The following PARD3 variants were observed in gnomAD, a reference collection of about 807,000 sequenced individuals.
The protein encoded by PARD3 is partitioning defective 3 homolog.
PARD3 carries 75 observed loss-of-function variants against 155.4 expected under a neutral mutation model. That is an observed-to-expected ratio of 0.48 (90% CI 0.40 to 0.58). The LOEUF is 0.58. Ranked by LOEUF, PARD3 falls within the 20% of genes least tolerant of loss-of-function variation. The pLI is 0.00. For synonymous variants in PARD3, 576 were observed against 610.5 expected, an observed-to-expected ratio of 0.94 and a Z score of 0.83; for missense variants, 1,642 against 1,721.7, an observed-to-expected ratio of 0.95 and a Z score of 0.82.
Position 34,384,231 on chromosome 10 carries a change from C to T in PARD3, c.914G>A (p.Arg305Gln), listed in dbSNP as rs1353394461. The change falls in exon 8 of 25, where the codon CGA (arginine) becomes CAA (glutamine). Residue 305 changes from arginine to glutamine, a missense_variant. Around this residue, in one of 3 missense-constraint regions of PARD3, gnomAD observed 1,529 missense variants for 1,587.3 expected, o/e 0.96. Transcript: ENST00000374788. ...TTCAGCTTTACCACCTTTCTCCAAT[C>T]GTTTTACTAATAACCCCAGGGTTCT... ...GGRTLGLLVK[R>Q]LEKGGKAEHE... The T allele has an allele frequency of 1.2e-5, 19 of 1,613,584 alleles. No individual in the cohort carries two copies. The highest frequency in any genetic ancestry group is 1.6e-5 in the Non-Finnish European group (19 of 1,179,798).
At chr10:34,714,212 C>G (rs1449787029) in intron 1 of PARD3, among the ~76,000 whole-genome samples, 3 of 152,078 alleles carry the variant, frequency 2.0e-5, no homozygotes, top group Non-Finnish European at 2.9e-5. Flanking sequence ...CAAAAATGAC[C>G]TGATTTTTCA....
rs188867317 is a variant in PARD3 at position 34,353,449 on chromosome 10, G to A, written c.2068-5334C>T. Among the ~76,000 whole-genome samples the A allele has an allele frequency of 9.0e-3, 1,369 of 152,260 alleles. 20 individuals are homozygous for A. The highest frequency in any genetic ancestry group is 0.031 in the African/African-American group (1,300 of 41,530). ...CCGTGCTCTCTGAAACATGTGCTGT[G>A]TCCACTCAGGGTTAAATGGATTAAG... On this transcript the variant is annotated intron_variant, in intron 14 of 24. Transcript: ENST00000374788.
chr10:34,595,095 C>T (rs915139827), intron 2 of PARD3, among the ~76,000 whole-genome samples: 2 of 152,200 alleles, frequency 1.3e-5, no homozygotes, highest in Non-Finnish European at 2.9e-5. Context: ...TGGAGTTCCA[C>T]AGTTCAAGAA....
chr10:34,780,829 G>C (rs1840153661), intron 1 of PARD3, among the ~76,000 whole-genome samples: 1 of 152,154 alleles, frequency 6.6e-6, no homozygotes, highest in Non-Finnish European at 1.5e-5. Flanking sequence ...TCAGTGCGGA[G>C]GCAACATACG....
At chr10:34,165,026 G>T (rs1465855600) in intron 22 of PARD3, among the ~76,000 whole-genome samples, 2 of 151,726 alleles carry the variant, frequency 1.3e-5, no homozygotes, top group Non-Finnish European at 2.9e-5. Context: ...TTCTCTTAAA[G>T]ATTCTTTGTG....
At chr10:34,516,257 G>A (rs933316959) in intron 3 of PARD3, among the ~76,000 whole-genome samples, 22 of 151,942 alleles carry the variant, frequency 1.4e-4, no homozygotes, top group East Asian at 5.8e-4. Flanking sequence ...AAGCCACCCC[G>A]CCCAGCCAAA....
chr10:34,603,173 T>C (rs1450470391), intron 2 of PARD3, among the ~76,000 whole-genome samples: 2 of 152,160 alleles, frequency 1.3e-5, no homozygotes, highest in South Asian at 2.1e-4. Flanking sequence ...CTTAGAAAAT[T>C]ACCCCTGGCT....
chr10:34,353,777 T>C (rs541854737), intron 14 of PARD3, among the ~76,000 whole-genome samples: 8 of 151,490 alleles, frequency 5.3e-5, no homozygotes, highest in Non-Finnish European at 1.0e-4. Context: ...CTTCAACAAA[T>C]GTGTCCTTTG....
intron 1 of PARD3, among the ~76,000 whole-genome samples, chr10:34,725,555 A>AC (rs1437918139): frequency 9.9e-5 from 15 of 152,190 alleles, no homozygotes; most frequent in African/African-American, 3.1e-4. Flanking sequence ...AACAGTCCCT[A>AC]CTTCCTCAAC....
intron 22 of PARD3, among the ~76,000 whole-genome samples, chr10:34,145,209 A>T (rs1444521721): frequency 9.7e-4 from 62 of 63,688 alleles, no homozygotes; most frequent in African/African-American, 5.4e-3. Context: ...ATATATATAT[A>T]TATATATATA....
intron 2 of PARD3, among the ~76,000 whole-genome samples, chr10:34,526,080 CAAAAAA>C (rs765686445): frequency 1.9e-5 from 1 of 51,824 alleles, no homozygotes; most frequent in Non-Finnish European, 3.6e-5. Context: ...GACTCCGTAT[CAAAAAA>C]AAAAAAAAAA....
At chr10:34,369,788 T>C (rs1343844360) in intron 12 of PARD3, among the ~76,000 whole-genome samples, 6 of 152,154 alleles carry the variant, frequency 3.9e-5, no homozygotes, top group Admixed American at 6.5e-5. Context: ...CTTGGATTTG[T>C]GGTGAAATCA....
rs55681930 is a variant in PARD3 at position 34,227,856 on chromosome 10, TTATATATATATA to T, written c.3419+41789_3419+41800del. Among the ~76,000 whole-genome samples, 59 of 82,242 alleles carry T rather than the reference TTATATATATATA, an allele frequency of 7.2e-4. 3 individuals carry two copies. Among genetic ancestry groups the T allele is most frequent in the Admixed American group, 4.8e-3 (41 of 8,482 alleles). 54.0% of individuals were successfully genotyped at this position (82,242 alleles called of 152,430 possible). On this transcript the variant is annotated intron_variant, in intron 22 of 24. Coordinates refer to ENST00000374788, the MANE Select transcript of PARD3 (RefSeq NM_001184785.2). ...TATTCCCAGTAATGGGAATTATTTT[TTATATATATATA>T]TATATATATATATATACTGGGAATA...
At chr10:34,329,050 T>C (rs891621246) in intron 19 of PARD3, among the ~76,000 whole-genome samples, 10 of 152,234 alleles carry the variant, frequency 6.6e-5, no homozygotes, top group Non-Finnish European at 1.2e-4. Flanking sequence ...ATGTGTTTCA[T>C]TTCACTTTTT....
chr10:34,605,673 CTA>C (rs1185511999), intron 2 of PARD3, among the ~76,000 whole-genome samples: 5 of 52,486 alleles, frequency 9.5e-5, no homozygotes, highest in African/African-American at 3.6e-4. Flanking sequence ...TATATATCTC[CTA>C]TATATATATA....
chr10:34,278,925 A>C (rs547824290), intron 21 of PARD3, among the ~76,000 whole-genome samples: 1 of 152,238 alleles, frequency 6.6e-6, no homozygotes, highest in Non-Finnish European at 1.5e-5. Flanking sequence ...ACAGATACTC[A>C]CTCAAGTAAT....
At chr10:34,652,269 T>A (rs1278950618) in intron 2 of PARD3, among the ~76,000 whole-genome samples, 2 of 152,166 alleles carry the variant, frequency 1.3e-5, no homozygotes, top group Non-Finnish European at 2.9e-5. Flanking sequence ...GGTTAACTAC[T>A]TTGCTGGTCC....
chr10:34,696,268 T>A lies in PARD3; in HGVS notation c.222+50A>T, dbSNP rs200519818. 1.8e-5 allele frequency: 15 copies of A among 813,462 alleles called. No homozygotes were observed. In the East Asian group the frequency reaches 3.6e-4, roughly 19 times the overall value. The allele number at this position is 813,462 out of a possible 1,614,324, so 50.4% of individuals were successfully genotyped here. A position where few individuals can be genotyped will look rare whatever the true frequency, so the allele number is the denominator to read the frequency against. ...AAGAATCGCACCCGCTCCCTAGTCC[T>A]CAAAAAAAAAAAATGCATTCAGAAC... On this transcript the variant is annotated intron_variant, in intron 2 of 24. Coordinates refer to ENST00000374788, the MANE Select transcript of PARD3 (RefSeq NM_001184785.2).
In PARD3 at chr10:34,119,638, G is replaced by A; in HGVS notation, c.3643C>T (p.Gln1215Ter). 1 of 1,611,212 alleles carries A rather than the reference G, an allele frequency of 6.2e-7. No homozygotes were observed. The highest frequency in any genetic ancestry group is 1.1e-5 in the South Asian group (1 of 90,760). ...CGAGGCAGAGAGCTGTACTGGCGCT[G>A]GGCCTGCTGGGAGCTCTCGCGCTCC... ...QEERESSQQA[Q>*]RQYSSLPRQS... The change falls in exon 24 of 25, where the codon CAG becomes TAG. Residue 1215 changes from glutamine (Q) to a stop codon, truncating the protein, a stop_gained. Coordinates refer to ENST00000374788, the MANE Select transcript of PARD3 (RefSeq NM_001184785.2). LOFTEE classifies it high-confidence loss of function.
Sources: gnomAD v4.1 joint callset for allele counts (sites outside exome capture counted in the v4.1 genomes callset) on GRCh38, gnomAD v4.1.1 for gene constraint, gnomAD v4.1.1 regional missense constraint, MANE v1.5 for transcripts, NCBI Gene and HGNC (gene_info 2026-07-23, HGNC 2026-07-21) for gene names.